TRPC4: variants seen among roughly 807,000 people sequenced by gnomAD.
The protein encoded by TRPC4 is transient receptor potential cation channel subfamily C member 4.
In TRPC4, 49 loss-of-function variants were observed where a neutral mutation model predicts 99.4. That is an observed-to-expected ratio of 0.49 (90% CI 0.39 to 0.63). TRPC4 has a LOEUF of 0.63. TRPC4 is among the 20% of genes least tolerant of loss of function. TRPC4 has a pLI of 0.00. For synonymous variants in TRPC4, 454 were observed against 425.9 expected, an observed-to-expected ratio of 1.07 and a Z score of -0.81; for missense variants, 898 against 1,152.9, an observed-to-expected ratio of 0.78 and a Z score of 3.20.
In TRPC4 at chr13:37,639,270, A is replaced by G. The variant is rs781091186; in HGVS notation, c.2109T>C (p.His703=). The change falls in exon 9 of 11, where the codon CAT becomes CAC. Residue 703 remains histidine, a synonymous_variant. Transcript: ENST00000379705. ...GRRAADNLRR[H]HQYQEVMRNL... ...AAGGACAACTTACTTGGTATTGGTG[A>G]TGTCTTCTCAAGTTATCAGCAGCTC... 1.2e-6 allele frequency: 2 copies of G among 1,613,708 alleles called. No individual in the cohort carries two copies. The highest frequency in any genetic ancestry group is 2.2e-5 in the South Asian group (2 of 91,070).
At chr13:37,718,362 T>C (rs1954750254) in intron 3 of TRPC4, among the ~76,000 whole-genome samples, 1 of 151,138 alleles carries the variant, frequency 6.6e-6, no homozygotes, top group Non-Finnish European at 1.5e-5. Context: ...ACTTACAGCA[T>C]CCAAGATACA....
intron 1 of TRPC4, among the ~76,000 whole-genome samples, chr13:37,830,437 G>T (rs896561521): frequency 1.3e-5 from 2 of 151,982 alleles, no homozygotes; most frequent in African/African-American, 4.8e-5. Flanking sequence ...TGCTGGACAT[G>T]ATGGCTGACG....
At chr13:37,787,097 T>C (rs999697823) in intron 1 of TRPC4, among the ~76,000 whole-genome samples, 2 of 151,936 alleles carry the variant, frequency 1.3e-5, no homozygotes, top group Admixed American at 6.6e-5. Flanking sequence ...AGTTATATAG[T>C]GGAAAGAACA....
chr13:37,733,479 A>G (rs997116470), intron 3 of TRPC4, among the ~76,000 whole-genome samples: 36 of 152,176 alleles, frequency 2.4e-4, no homozygotes, highest in African/African-American at 8.2e-4. Context: ...AATAACCGGG[A>G]GTGCCTCCTA....
intron 2 of TRPC4, among the ~76,000 whole-genome samples, chr13:37,763,330 G>A (rs924112313): frequency 6.6e-6 from 1 of 151,534 alleles, no homozygotes; most frequent in Non-Finnish European, 1.5e-5. Context: ...AGGCAGGTTG[G>A]TAGCTATGGT....
At chr13:37,674,434 T>C in intron 4 of TRPC4, 67 bp from the exon 5 acceptor site, 1 of 1,522,266 alleles carries the variant, frequency 6.6e-7, no homozygotes, top group Non-Finnish European at 8.8e-7. Context: ...CAATATACAA[T>C]TTAACAATTA....
intron 3 of TRPC4, among the ~76,000 whole-genome samples, chr13:37,698,805 A>G (rs1223182727): frequency 6.6e-6 from 1 of 152,206 alleles, no homozygotes; most frequent in African/African-American, 2.4e-5. Flanking sequence ...CACGATGCCA[A>G]TAGGGGACTT....
intron 8 of TRPC4, among the ~76,000 whole-genome samples, chr13:37,646,379 T>C (rs558069668): frequency 1.3e-5 from 2 of 152,178 alleles, no homozygotes; most frequent in African/African-American, 4.8e-5. Flanking sequence ...TGGTTCGGTA[T>C]GGTAACATAT....
At chr13:37,719,523 G>A (rs546256287) in intron 3 of TRPC4, among the ~76,000 whole-genome samples, 1 of 152,044 alleles carries the variant, frequency 6.6e-6, no homozygotes, top group African/African-American at 2.4e-5. Flanking sequence ...CATTAGAAAA[G>A]GCAAATAGGT....
rs200985201 is a variant in TRPC4, at chr13:37,637,122, T to A, written c.2715A>T (p.Gln905His). The A allele has an allele frequency of 6.2e-7, 1 of 1,613,824 alleles. No individual in the cohort carries two copies. The highest frequency in any genetic ancestry group is 2.2e-5 in the East Asian group (1 of 44,882). ...TTTCTCTATGGTCTACTAACACACATTGTTCACTGAGACCGGGAATGCTCA... is the reference window on the plus strand; with the variant it reads ...TTTCTCTATGGTCTACTAACACACAATGTTCACTGAGACCGGGAATGCTCA... ...GDLSIPGLSE[Q>H]CVLVDHRERN... The change falls in exon 11 of 11, where the codon CAA becomes CAT. Residue 905 changes from glutamine to histidine, a missense_variant. By Grantham distance (24) the Gln-to-His change is conservative (BLOSUM62 0). Around this residue, in one of 3 missense-constraint regions of TRPC4, gnomAD observed 346 missense variants for 351.4 expected, o/e 0.98. Transcript: ENST00000379705.
intron 5 of TRPC4, among the ~76,000 whole-genome samples, chr13:37,668,083 C>T (rs1952708773): frequency 6.6e-6 from 1 of 152,162 alleles, no homozygotes; most frequent in African/African-American, 2.4e-5. Context: ...TAGGATCCTG[C>T]TGATCAGAGC....
intron 1 of TRPC4, among the ~76,000 whole-genome samples, chr13:37,802,635 C>A (rs891353198): frequency 6.6e-6 from 1 of 152,010 alleles, no homozygotes; most frequent in African/African-American, 2.4e-5. Flanking sequence ...GTCATGTCTG[C>A]CAGCTTTGTT....
In TRPC4 at chr13:37,864,587, A is replaced by G. The variant is rs138593118; in HGVS notation, c.-28+5008T>C. Among the ~76,000 whole-genome samples, 8 of 151,810 alleles carry G rather than the reference A, an allele frequency of 5.3e-5. No homozygotes were observed. The South Asian group carries it at 1.4e-3, about 27-fold the overall frequency. ...AATTATGTCAATTATGAAGCATAGT[A>G]TTTATGGCACTCTAATTCAGTTACA... On this transcript the variant is annotated intron_variant, in intron 1 of 10. Transcript: ENST00000379705.
At chr13:37,779,046 G>A (rs1056936272) in intron 2 of TRPC4, among the ~76,000 whole-genome samples, 2 of 152,008 alleles carry the variant, frequency 1.3e-5, no homozygotes, top group Non-Finnish European at 2.9e-5. Flanking sequence ...CTAGTAGTCT[G>A]TGTTGTAACA....
chr13:37,789,202 TCC>T (rs1043584086), intron 1 of TRPC4, among the ~76,000 whole-genome samples: 1 of 152,140 alleles, frequency 6.6e-6, no homozygotes, highest in Non-Finnish European at 1.5e-5. Context: ...TCCAAGACTG[TCC>T]CAGGCAAGTT....
At chr13:37,742,521 A>G (rs534786236) in intron 3 of TRPC4, among the ~76,000 whole-genome samples, 1 of 152,236 alleles carries the variant, frequency 6.6e-6, no homozygotes, top group African/African-American at 2.4e-5. Context: ...AACACAATGC[A>G]ATATAGGGTG....
intron 1 of TRPC4, among the ~76,000 whole-genome samples, chr13:37,815,966 A>G (rs1957841870): frequency 6.6e-6 from 1 of 151,834 alleles, no homozygotes; most frequent in Admixed American, 6.6e-5. Context: ...ATAAAATCAT[A>G]CAATTACATA....
intron 2 of TRPC4, among the ~76,000 whole-genome samples, chr13:37,777,130 G>A (rs1171364251): frequency 6.6e-6 from 1 of 151,870 alleles, no homozygotes; most frequent in Non-Finnish European, 1.5e-5. Flanking sequence ...TAAGTAAACT[G>A]AAATATACTT....
At chr13:37,854,731 G>A (rs945359488) in intron 1 of TRPC4, 2 of 151,854 alleles carry the variant, frequency 1.3e-5, no homozygotes, top group Admixed American at 1.3e-4. Flanking sequence ...TGGTAACTTC[G>A]AATTGAAAAT....
Sources: gnomAD v4.1 joint callset for allele counts (sites outside exome capture counted in the v4.1 genomes callset) on GRCh38, gnomAD v4.1.1 for gene constraint, gnomAD v4.1.1 regional missense constraint, MANE v1.5 for transcripts, NCBI Gene and HGNC (gene_info 2026-07-23, HGNC 2026-07-21) for gene names.